KAZN: variants seen among roughly 807,000 people sequenced by gnomAD.
KAZN encodes kazrin.
Under a neutral mutation model 87.4 loss-of-function variants are expected in KAZN, and 40 were observed. That is an observed-to-expected ratio of 0.46 (90% CI 0.36 to 0.60). The LOEUF is 0.60. Among genes scored for constraint, KAZN ranks in the 20% least tolerant of loss-of-function variants. The pLI is 0.00. For missense variants in KAZN, 898 were observed against 1,073.9 expected, an observed-to-expected ratio of 0.84 and a Z score of 2.29; for synonymous variants, 466 against 458.3, an observed-to-expected ratio of 1.02 and a Z score of -0.22.
At chr1:14,488,808 T>C (rs894112778) in intron 2 of KAZN, among the ~76,000 whole-genome samples, 2 of 152,200 alleles carry the variant, frequency 1.3e-5, no homozygotes, top group African/African-American at 4.8e-5. Context: ...TCCATCTGCC[T>C]CTGGCTTCCC....
chr1:14,818,523 G>C (rs1397614776), intron 1 of KAZN, among the ~76,000 whole-genome samples: 2 of 152,220 alleles, frequency 1.3e-5, no homozygotes, highest in African/African-American at 2.4e-5. Flanking sequence ...ATGGATGTGG[G>C]GACAGCCCAG....
intron 2 of KAZN, among the ~76,000 whole-genome samples, chr1:14,502,777 C>A (rs1043813166): frequency 1.3e-5 from 2 of 152,144 alleles, no homozygotes; most frequent in African/African-American, 2.4e-5. Context: ...CATTGACAGA[C>A]ACTTACTATG....
At chr1:14,883,310 A>AG (rs1653552012) in intron 1 of KAZN, among the ~76,000 whole-genome samples, 4 of 49,338 alleles carry the variant, frequency 8.1e-5, no homozygotes, top group Non-Finnish European at 1.3e-4. Flanking sequence ...GAAAGAAAGA[A>AG]AGAAAGAAAG....
chr1:14,217,214 G>A (rs1299491259), intron 2 of KAZN, among the ~76,000 whole-genome samples: 1 of 151,906 alleles, frequency 6.6e-6, no homozygotes, highest in East Asian at 1.9e-4. Flanking sequence ...CAGAACTGTG[G>A]GCCAATAAAT....
At chr1:14,673,640 C>G (rs990465999) in intron 1 of KAZN, among the ~76,000 whole-genome samples, 2 of 152,166 alleles carry the variant, frequency 1.3e-5, no homozygotes, top group Admixed American at 6.5e-5. Context: ...ATTGTGCTGC[C>G]TCAAGGATGC....
chr1:14,114,878 A>G (rs546634476), intron 1 of KAZN, among the ~76,000 whole-genome samples: 9 of 152,320 alleles, frequency 5.9e-5, no homozygotes, highest in African/African-American at 1.9e-4. Context: ...AAATGACACA[A>G]CTACAACCAT....
At chr1:14,350,117 G>A (rs1216363735) in intron 2 of KAZN, among the ~76,000 whole-genome samples, 18 of 131,288 alleles carry the variant, frequency 1.4e-4, no homozygotes, top group East Asian at 2.3e-4. Context: ...CTGGGCAACA[G>A]AGCAAGACTC....
At chr1:15,057,211 G>A (rs1557764732) in intron 5 of KAZN, among the ~76,000 whole-genome samples, 2 of 152,242 alleles carry the variant, frequency 1.3e-5, no homozygotes, top group South Asian at 4.1e-4. Flanking sequence ...AGACTGCTGG[G>A]TTCAACTCTG....
intron 2 of KAZN, among the ~76,000 whole-genome samples, chr1:14,195,331 C>T (rs1372891923): frequency 1.3e-5 from 2 of 152,046 alleles, no homozygotes; most frequent in Admixed American, 6.6e-5. Flanking sequence ...CTAGGACCTC[C>T]GATACCTCCT....
chr1:14,962,835 T>C (rs1022299169), intron 2 of KAZN, among the ~76,000 whole-genome samples: 57 of 152,110 alleles, frequency 3.7e-4, no homozygotes, highest in African/African-American at 1.3e-3. Flanking sequence ...TTCCTGGGCC[T>C]ACAGGGATGG....
At chr1:15,002,474 T>C (rs1224530802) in intron 2 of KAZN, among the ~76,000 whole-genome samples, 1 of 152,132 alleles carries the variant, frequency 6.6e-6, no homozygotes, top group Non-Finnish European at 1.5e-5. Context: ...TGGTTAGCAA[T>C]ACCAACTTGG....
At chr1:14,176,561 G>A (rs1646079535) in intron 1 of KAZN, among the ~76,000 whole-genome samples, 1 of 152,088 alleles carries the variant, frequency 6.6e-6, no homozygotes, top group Non-Finnish European at 1.5e-5. Context: ...TGAGAATCAG[G>A]CCATATTCTT....
At chr1:14,862,972 A>G (rs909938885) in intron 1 of KAZN, among the ~76,000 whole-genome samples, 3 of 152,230 alleles carry the variant, frequency 2.0e-5, no homozygotes, top group Non-Finnish European at 4.4e-5. Flanking sequence ...AGTTACCCGC[A>G]AAGCTGAGAA....
chr1:14,489,529 T>A (rs1456063187), intron 2 of KAZN, among the ~76,000 whole-genome samples: 1 of 150,648 alleles, frequency 6.6e-6, no homozygotes, highest in African/African-American at 2.4e-5. Context: ...AGGTCAGGAG[T>A]TCAAGAGCAG....
At chr1:14,473,937 C>A in intron 2 of KAZN, among the ~76,000 whole-genome samples, 1 of 152,182 alleles carries the variant, frequency 6.6e-6, no homozygotes, top group African/African-American at 2.4e-5. Flanking sequence ...ATCAGGTGAT[C>A]TGAAGTTGCA....
intron 1 of KAZN, among the ~76,000 whole-genome samples, chr1:13,988,633 A>G (rs1639135126): frequency 6.6e-6 from 1 of 152,194 alleles, no homozygotes; most frequent in Non-Finnish European, 1.5e-5. Flanking sequence ...GGTCTCATTT[A>G]ATCACAAGAG....
At chr1:14,924,970 C>A (rs928462522) in intron 1 of KAZN, among the ~76,000 whole-genome samples, 18 of 152,240 alleles carry the variant, frequency 1.2e-4, no homozygotes, top group African/African-American at 3.6e-4. Flanking sequence ...CGCGGAGTGC[C>A]GAGGGGAGCC....
Position 14,183,989 on chromosome 1 carries a change from A to C in KAZN, c.249+3397A>C, listed in dbSNP as rs1350313086. Among the ~76,000 whole-genome samples the C allele has an allele frequency of 2.0e-5, 3 of 152,252 alleles. No individual in the cohort carries two copies. In the East Asian group the frequency reaches 5.8e-4, roughly 29 times the overall value. Reference sequence around the variant, plus strand: ...GGCCTGTACTGGGACTAAAAGGAAGAGCTTGCTTTAAGGGAGGCTGAATCG... The same window carrying C: ...GGCCTGTACTGGGACTAAAAGGAAGCGCTTGCTTTAAGGGAGGCTGAATCG... On this transcript the variant is annotated intron_variant, in intron 2 of 16. Coordinates refer to the KAZN transcript ENST00000636203.
chr1:14,701,278 G>A (rs1050497687), intron 1 of KAZN, among the ~76,000 whole-genome samples: 1 of 152,098 alleles, frequency 6.6e-6, no homozygotes, highest in Non-Finnish European at 1.5e-5. Flanking sequence ...GTGCCACCAT[G>A]CCTGGCTAAT....
Sources: gnomAD v4.1 joint callset for allele counts (sites outside exome capture counted in the v4.1 genomes callset) on GRCh38, gnomAD v4.1.1 for gene constraint, MANE v1.5 for transcripts, NCBI Gene and HGNC (gene_info 2026-07-23, HGNC 2026-07-21) for gene names.